Variants in CSMD1 observed in about 807,000 individuals in gnomAD.
CSMD1 encodes CUB and sushi domain-containing protein 1.
Under a neutral mutation model 417.5 loss-of-function variants are expected in CSMD1, and 213 were observed. The ratio of observed to expected loss-of-function variants is 0.51; its 90% CI spans 0.46 to 0.57. The LOEUF (loss-of-function observed/expected upper bound fraction) is 0.57. Among genes scored for constraint, CSMD1 ranks in the 20% least tolerant of loss-of-function variants. The pLI is 0.00. For synonymous variants in CSMD1, 2,862 were observed against 1,736.8 expected (o/e 1.65, Z -16.11); for missense variants, 6,923 against 4,529.7 (o/e 1.53, Z -15.17).
chr8:3,046,562 T>G (rs548374154), intron 50 of CSMD1, among the ~76,000 whole-genome samples: 2 of 152,138 alleles, frequency 1.3e-5, no homozygotes, highest in African/African-American at 4.8e-5. Flanking sequence ...ACTATCTCTA[T>G]GTACAGGCTG....
intron 10 of CSMD1, among the ~76,000 whole-genome samples, chr8:3,561,602 C>A (rs949678327): frequency 6.6e-6 from 1 of 152,188 alleles, no homozygotes; most frequent in East Asian, 1.9e-4. Flanking sequence ...ATGGCAACAA[C>A]AGACACTGGT....
At chr8:4,841,335 G>A (rs564740771) in intron 1 of CSMD1, among the ~76,000 whole-genome samples, 2 of 152,114 alleles carry the variant, frequency 1.3e-5, no homozygotes, top group African/African-American at 2.4e-5. Flanking sequence ...TGCTGGTTTT[G>A]GAACTACTTT....
intron 7 of CSMD1, among the ~76,000 whole-genome samples, chr8:3,626,976 TTACCATAGTACGATATATAAAAGGAAA>T (rs1796522528): frequency 1.3e-5 from 2 of 151,812 alleles, no homozygotes; most frequent in Non-Finnish European, 2.9e-5. Flanking sequence ...TAGTATTTGT[TTACCATAGTACGATATATAAAAGGAAA>T]TAAGTTCAAG....
Position 3,913,110 on chromosome 8 carries a change from G to C in CSMD1, c.818+84793C>G, listed in dbSNP as rs145165087. ...GGATGGTGTGTGTCTGTGTTGCAGT[G>C]GTCATGTGGGGTTTTGGCACCTTGA... On this transcript the variant is annotated intron_variant, in intron 5 of 69. Coordinates refer to ENST00000635120, the MANE Select transcript of CSMD1 (RefSeq NM_033225.6). Among the ~76,000 whole-genome samples, 1,012 of 152,230 alleles carry C rather than the reference G, an allele frequency of 6.6e-3. 11 individuals carry two copies. Among genetic ancestry groups the C allele is most frequent in the South Asian group, 0.011 (55 of 4,820 alleles).
intron 3 of CSMD1, among the ~76,000 whole-genome samples, chr8:4,090,802 A>T (rs1800677462): frequency 6.6e-6 from 1 of 152,240 alleles, no homozygotes; most frequent in South Asian, 2.1e-4. Flanking sequence ...GTGGTTAAAG[A>T]ACATATATTC....
At chr8:4,393,009 T>C (rs1304984489) in intron 3 of CSMD1, among the ~76,000 whole-genome samples, 5 of 152,084 alleles carry the variant, frequency 3.3e-5, no homozygotes, top group African/African-American at 1.2e-4. Context: ...GGAGTGTCAC[T>C]CTGTCATCCA....
chr8:4,458,366 T>C (rs1289668397), intron 2 of CSMD1, among the ~76,000 whole-genome samples: 1 of 152,172 alleles, frequency 6.6e-6, no homozygotes, highest in Non-Finnish European at 1.5e-5. Context: ...AATAATGAAA[T>C]TAATTTATAA....
chr8:3,792,904 G>C (rs1218381050), intron 5 of CSMD1, among the ~76,000 whole-genome samples: 9 of 152,284 alleles, frequency 5.9e-5, no homozygotes, highest in Non-Finnish European at 7.4e-5. Flanking sequence ...ACCTACCTGA[G>C]ATTTACCGTT....
At chr8:4,294,554 A>C (rs538789568) in intron 3 of CSMD1, among the ~76,000 whole-genome samples, 1 of 152,186 alleles carries the variant, frequency 6.6e-6, no homozygotes, top group African/African-American at 2.4e-5. Context: ...TCACTTGTCC[A>C]TGGTGCCATG....
intron 3 of CSMD1, among the ~76,000 whole-genome samples, chr8:4,291,231 T>C (rs1342303010): frequency 2.0e-5 from 3 of 149,640 alleles, no homozygotes; most frequent in Admixed American, 1.3e-4. Context: ...AATATGCTTA[T>C]GATATGTGCA....
At chr8:4,034,065 G>T (rs549920000) in intron 3 of CSMD1, among the ~76,000 whole-genome samples, 1 of 152,174 alleles carries the variant, frequency 6.6e-6, no homozygotes, top group Admixed American at 6.5e-5. Context: ...TGTATCCATT[G>T]TCTTTGCATC....
intron 49 of CSMD1, among the ~76,000 whole-genome samples, chr8:3,066,367 T>C (rs1017196945): frequency 1.3e-5 from 2 of 152,210 alleles, no homozygotes; most frequent in African/African-American, 4.8e-5. Context: ...AAGTCACACA[T>C]ATGAAGATAC....
intron 3 of CSMD1, among the ~76,000 whole-genome samples, chr8:4,155,386 T>C (rs1796779961): frequency 6.6e-6 from 1 of 152,194 alleles, no homozygotes. Flanking sequence ...CTGCTGTAGA[T>C]CACATTCCTT....
At chr8:4,940,107 C>T (rs1333949906) in intron 1 of CSMD1, among the ~76,000 whole-genome samples, 1 of 152,098 alleles carries the variant, frequency 6.6e-6, no homozygotes, top group Non-Finnish European at 1.5e-5. Flanking sequence ...CCGGGGGCTG[C>T]TGAGGAGGTC....
At chr8:2,978,492 G>T in intron 55 of CSMD1, 120 bp downstream of exon 55, 3 of 747,250 alleles carry the variant, frequency 4.0e-6, no homozygotes, top group South Asian at 2.1e-5. Context: ...TCCTACAATT[G>T]GTGATGGGAG....
At chr8:4,119,282 A>C (rs972626371) in intron 3 of CSMD1, among the ~76,000 whole-genome samples, 3 of 152,188 alleles carry the variant, frequency 2.0e-5, no homozygotes, top group Non-Finnish European at 2.9e-5. Context: ...AAACAAATGG[A>C]AACAACCCAA....
rs1809000541 is a variant in CSMD1 at position 3,359,291 on chromosome 8, T to A, written c.3165A>T (p.Arg1055=). 1 of 1,613,794 alleles carries A rather than the reference T, an allele frequency of 6.2e-7. No homozygotes were observed. Among genetic ancestry groups the A allele is most frequent in the East Asian group, 2.2e-5 (1 of 44,858 alleles). The change falls in exon 21 of 70, where the codon CGA becomes CGT. Residue 1055 remains arginine, a synonymous_variant. Coordinates refer to ENST00000635120, the MANE Select transcript of CSMD1 (RefSeq NM_033225.6). ...CDDPGVPAFS[R]RIGFHFGVGD... is the part of the protein sequence containing the mutation. ...CCACACCAAAGTGAAAACCAATTCT[T>A]CGGCTGAAGGCAGGGACTCCAGGAT...
intron 39 of CSMD1, among the ~76,000 whole-genome samples, chr8:3,155,321 T>A (rs1819446915): frequency 6.7e-6 from 1 of 150,102 alleles, no homozygotes; most frequent in Non-Finnish European, 1.5e-5. Flanking sequence ...TTTCGTTTTT[T>A]AAATTTTTTA....
intron 3 of CSMD1, among the ~76,000 whole-genome samples, chr8:4,370,750 A>C (rs111717268): frequency 2.6e-5 from 4 of 152,114 alleles, no homozygotes; most frequent in African/African-American, 7.2e-5. Context: ...TGTGTTTCGA[A>C]ATTCCTGTGG....
Sources: allele counts gnomAD v4.1 joint callset (sites outside exome capture counted in the v4.1 genomes callset), GRCh38; gene constraint gnomAD v4.1.1; transcripts MANE v1.5; gene names NCBI Gene and HGNC (gene_info 2026-07-23, HGNC 2026-07-21).